CLIP1: variants seen among roughly 807,000 people sequenced by gnomAD.
CLIP1 encodes CAP-Gly domain-containing linker protein 1.
CLIP1 carries 66 observed loss-of-function variants against 161.6 expected under a neutral mutation model. That is an observed-to-expected ratio of 0.41 (90% CI 0.33 to 0.50). The LOEUF (loss-of-function observed/expected upper bound fraction) is 0.50, where lower values mean the gene tolerates loss of function less well. Ranked by LOEUF, CLIP1 falls within the 20% of genes least tolerant of loss-of-function variation. The pLI is 0.27. For synonymous variants in CLIP1, 598 were observed against 626.2 expected (o/e 0.96, Z 0.67); for missense variants, 1,376 against 1,702.0 (o/e 0.81, Z 3.37).
rs763164967 is a variant in CLIP1 at position 122,279,052 on chromosome 12, G to A, written c.3741C>T (p.Ala1247=). The change falls in exon 22 of 26, where the codon GCC becomes GCT. Residue 1247 remains alanine, a synonymous_variant. Transcript: ENST00000620786. This position sits in a 1 kb window ranked among gnomAD's most constrained non-coding sequence, Gnocchi z 4.5. The part of the protein sequence containing the change: ...ITSALLTEKD[A]ELEKLRNEVT... Reference sequence around the variant, plus strand: ...CCTCATTTCTCAGTTTCTCCAGCTCGGCATCCTTTTCTGTGAGTAAGGCAC... The same window carrying A: ...CCTCATTTCTCAGTTTCTCCAGCTCAGCATCCTTTTCTGTGAGTAAGGCAC... 65 of 1,612,366 alleles carry A rather than the reference G, an allele frequency of 4.0e-5. No individual in the cohort carries two copies. The highest frequency in any genetic ancestry group is 3.3e-4 in the Middle Eastern group (2 of 6,070).
intron 5 of CLIP1, among the ~76,000 whole-genome samples, chr12:122,358,580 TCAGTG>T (rs1953618788): frequency 6.6e-6 from 1 of 152,174 alleles, no homozygotes; most frequent in Admixed American, 6.5e-5. Context: ...TATTTTACCT[TCAGTG>T]AGCTACCTGA....
Position 122,279,123 on chromosome 12 carries a change from C to T in CLIP1, c.3670G>A (p.Ala1224Thr), listed in dbSNP as rs17881033. ...TGCAAGGAAGCTTTCTCTTCATCTG[C>T]GTCTTTTATGAACTTGGATTCTCTA... ...KKRESKFIKD[A>T]DEEKASLQKS... Residue 1224 changes from alanine (A) to threonine (T), a missense_variant, in exon 22 of 26, where the codon GCA becomes ACA. Transcript: ENST00000620786. This position sits in a 1 kb window ranked among gnomAD's most constrained non-coding sequence, Gnocchi z 4.5. The T allele has an allele frequency of 2.1e-5, 34 of 1,611,048 alleles. No homozygotes were observed. In the South Asian group the frequency reaches 2.7e-4, roughly 13 times the overall value.
In CLIP1 at chr12:122,362,714, A is replaced by T. The variant is rs1317831072; in HGVS notation, c.782+1269T>A. 9.3e-3 allele frequency among the ~76,000 whole-genome samples: 43 copies of T among 4,620 alleles called. 1 individual carries two copies. Among genetic ancestry groups the T allele is most frequent in the Middle Eastern group, 0.12 (1 of 8 alleles). 3.0% of individuals were successfully genotyped at this position (4,620 alleles called of 152,430 possible). On this transcript the variant is annotated intron_variant, in intron 4 of 25. Coordinates refer to ENST00000620786, the MANE Select transcript of CLIP1 (RefSeq NM_001247997.2). ...ATATCTGTTTCAATAAAAATATGATAAAAAAAAAAAAAAAAGATAAAGTAC... is the reference window on the plus strand; with the variant it reads ...ATATCTGTTTCAATAAAAATATGATTAAAAAAAAAAAAAAAGATAAAGTAC...
intron 1 of CLIP1, among the ~76,000 whole-genome samples, chr12:122,416,418 C>A (rs1956757947): frequency 6.6e-6 from 1 of 152,094 alleles, no homozygotes; most frequent in South Asian, 2.1e-4. Flanking sequence ...TAGGGAAATT[C>A]TTTGAGCCTC....
At chr12:122,284,226 T>A (rs1212198530) in intron 21 of CLIP1, among the ~76,000 whole-genome samples, 1 of 152,154 alleles carries the variant, frequency 6.6e-6, no homozygotes, top group Admixed American at 6.5e-5. Context: ...GAAAAAGTCA[T>A]CTTTATCTAT....
chr12:122,355,211 C>G lies in CLIP1; in HGVS notation c.1107G>C (p.Ala369=). The part of the protein sequence containing the change: ...EKQQHIEQLL[A]ERDLERAEVA... The stretch of plus-strand genomic sequence containing the variant: ...CCTCCGCCCTCTCCAGATCCCGTTC[C>G]GCCAGCAGCTGCTCAATGTGCTGCT... Residue 369 remains alanine (A), a synonymous_variant, in exon 6 of 26, where the codon GCG becomes GCC. Coordinates refer to ENST00000620786, the MANE Select transcript of CLIP1 (RefSeq NM_001247997.2). The surrounding 1 kb of genome is among the most constrained non-coding windows in gnomAD (Gnocchi z 4.1). 1 of 1,614,226 alleles carries G rather than the reference C, an allele frequency of 6.2e-7. No homozygotes were observed. The highest frequency in any genetic ancestry group is 8.5e-7 in the Non-Finnish European group (1 of 1,180,034).
At chr12:122,422,042 C>T (rs1013620584) in intron 1 of CLIP1, among the ~76,000 whole-genome samples, 1 of 152,168 alleles carries the variant, frequency 6.6e-6, no homozygotes, top group Non-Finnish European at 1.5e-5. Context: ...CATGCCGGAT[C>T]GCGGGCGCCG....
chr12:122,388,221 ATTT>A (rs202147907), intron 1 of CLIP1, among the ~76,000 whole-genome samples: 43 of 143,206 alleles, frequency 3.0e-4, no homozygotes, highest in Non-Finnish European at 3.2e-4. Context: ...TAGGCCAGCT[ATTT>A]TTTTTTTTTT....
chr12:122,297,832 CG>C (rs2136383709), intron 20 of CLIP1, among the ~76,000 whole-genome samples: 1 of 152,324 alleles, frequency 6.6e-6, no homozygotes, highest in East Asian at 1.9e-4. Context: ...CTAGGCGAGC[CG>C]TGTTGCCCAG....
chr12:122,327,055 T>C (rs1951735167), intron 17 of CLIP1, among the ~76,000 whole-genome samples: 1 of 152,130 alleles, frequency 6.6e-6, no homozygotes, highest in Admixed American at 6.6e-5. Flanking sequence ...TATAAACACA[T>C]TAAAAATAAA....
At chr12:122,374,975 C>T (rs1292715187) in intron 3 of CLIP1, among the ~76,000 whole-genome samples, 1 of 152,096 alleles carries the variant, frequency 6.6e-6, no homozygotes, top group African/African-American at 2.4e-5. Flanking sequence ...AACACAACAG[C>T]TGGGCGTCAG....
Position 122,320,265 on chromosome 12 carries a change from CAA to C in CLIP1, c.3250-919_3250-918del, listed in dbSNP as rs111643965. Among the ~76,000 whole-genome samples the C allele has an allele frequency of 5.9e-3, 554 of 94,562 alleles. 3 individuals carry two copies. The highest frequency in any genetic ancestry group is 0.018 in the African/African-American group (518 of 29,170). The allele number at this position is 94,562 out of a possible 152,430, so 62.0% of individuals were successfully genotyped here. ...CTGGCGACACAGCGAGACTCCGTCT[CAA>C]AAAAAAAAAAAAAAGTTAGATGTAA... On this transcript the variant is annotated intron_variant, in intron 17 of 25. Coordinates refer to ENST00000620786, the MANE Select transcript of CLIP1 (RefSeq NM_001247997.2).
Position 122,341,683 on chromosome 12 carries a change from T to A in CLIP1, c.1521A>T (p.Ser507=), listed in dbSNP as rs1217254755. The change falls in exon 11 of 26, where the codon TCA becomes TCT. Residue 507 remains serine, a synonymous_variant. Coordinates refer to ENST00000620786, the MANE Select transcript of CLIP1 (RefSeq NM_001247997.2). The part of the protein sequence containing the change: ...ELEDTRVATV[S]EKSRIMELEK... ...CCAGTTCCATTATACGTGACTTTTC[T>A]GAAACTGTAGCCACCTATTAACAGC... is the stretch of plus-strand genomic sequence containing the variant. The A allele has an allele frequency of 6.3e-7, 1 of 1,575,272 alleles. No individual in the cohort carries two copies. The highest frequency in any genetic ancestry group is 1.4e-5 in the African/African-American group (1 of 73,490).
rs1364208999 is a variant in CLIP1, at chr12:122,311,300, T to C, written c.3474-1418A>G. Among the ~76,000 whole-genome samples, 3 of 152,124 alleles carry C rather than the reference T, an allele frequency of 2.0e-5. No homozygotes were observed. Among genetic ancestry groups the C allele is most frequent in the Non-Finnish European group, 4.4e-5 (3 of 68,026 alleles). On this transcript the variant is annotated intron_variant, in intron 19 of 25. Coordinates refer to ENST00000620786, the MANE Select transcript of CLIP1 (RefSeq NM_001247997.2). This position sits in a 1 kb window ranked among gnomAD's most constrained non-coding sequence, Gnocchi z 4.3. ...GTGTGGCCTGTCAAAGTGCTACGCT[T>C]ATACTCCTGTTCCTTCTCTCTCAAG...
intron 1 of CLIP1, among the ~76,000 whole-genome samples, chr12:122,420,653 G>T (rs2137250869): frequency 6.6e-6 from 1 of 151,988 alleles, no homozygotes; most frequent in Middle Eastern, 3.4e-3. Flanking sequence ...ACCAGCCTTG[G>T]GGCCAGGTGC....
intron 4 of CLIP1, 103 bp from the exon 5 acceptor site, chr12:122,361,284 T>C (rs1016254177): frequency 1.0e-6 from 1 of 982,966 alleles, no homozygotes; most frequent in Non-Finnish European, 1.5e-6. Context: ...GTTGGATTCC[T>C]GGAAATTCTA....
chr12:122,361,899 T>C (rs906041888), intron 4 of CLIP1, among the ~76,000 whole-genome samples: 3 of 152,056 alleles, frequency 2.0e-5, no homozygotes, highest in South Asian at 4.1e-4. Context: ...AAAGAAGTTA[T>C]TCATATAACC....
At chr12:122,390,253 CATATATACA>C (rs1955567447) in intron 1 of CLIP1, among the ~76,000 whole-genome samples, 1 of 92,746 alleles carries the variant, frequency 1.1e-5, no homozygotes, top group Non-Finnish European at 2.0e-5. Context: ...TATATATACA[CATATATACA>C]CACACATATA....
intron 21 of CLIP1, among the ~76,000 whole-genome samples, chr12:122,287,907 TAGGAGGTAAC>T (rs1955921583): frequency 6.6e-6 from 1 of 152,166 alleles, no homozygotes; most frequent in South Asian, 2.1e-4. Flanking sequence ...TTACTGAAAC[TAGGAGGTAAC>T]AGTGGTGTAA....
Sources: allele counts gnomAD v4.1 joint callset (sites outside exome capture counted in the v4.1 genomes callset), GRCh38; gene constraint gnomAD v4.1.1; non-coding constraint Gnocchi (gnomAD v3.1); transcripts MANE v1.5; gene names NCBI Gene and HGNC (gene_info 2026-07-23, HGNC 2026-07-21).